The following MAP4K3 variants were observed in gnomAD, a reference collection of about 807,000 sequenced individuals.
The protein encoded by MAP4K3 is mitogen-activated protein kinase kinase kinase kinase 3, also known as MAPK/ERK kinase kinase kinase 3.
MAP4K3 carries 94 observed loss-of-function variants against 143.5 expected under a neutral mutation model. The observed-to-expected ratio is 0.65, with a 90% CI of 0.55 to 0.78. MAP4K3 has a LOEUF of 0.78. Ranked by LOEUF, MAP4K3 falls within the 30% of genes least tolerant of loss-of-function variation. The pLI is 0.00. For synonymous variants in MAP4K3, 416 were observed against 347.2 expected (o/e 1.20, Z -2.20); for missense variants, 1,077 against 1,068.1 (o/e 1.01, Z -0.12).
At chr2:39,323,037 C>A (rs962904466) in intron 12 of MAP4K3, among the ~76,000 whole-genome samples, 1 of 152,082 alleles carries the variant, frequency 6.6e-6, no homozygotes, top group Non-Finnish European at 1.5e-5. Context: ...TAGATACATT[C>A]GTATTTTGAG....
At chr2:39,340,503 A>G (rs1003666501) in intron 4 of MAP4K3, among the ~76,000 whole-genome samples, 9 of 152,230 alleles carry the variant, frequency 5.9e-5, no homozygotes, top group African/African-American at 2.2e-4. Flanking sequence ...GTATTGACGA[A>G]TTCATATTAC....
Position 39,436,944 on chromosome 2 carries a change from T to A in MAP4K3, c.44A>T (p.Asp15Val), listed in dbSNP as rs1426730384. The change falls in exon 1 of 34, where the codon GAC becomes GTC. Residue 15 changes from aspartate (D) to valine (V), a missense_variant. Asp to Val is a radical substitution (Grantham distance 152). This residue lies in a region of MAP4K3 where 213 missense variants were observed against 266.8 expected (regional missense o/e 0.80). Coordinates refer to ENST00000263881, the MANE Select transcript of MAP4K3 (RefSeq NM_003618.4). Reference protein sequence around the residue: ...FDLSRRNPQEDFELIQRIGSG... With the variant: ...FDLSRRNPQEVFELIQRIGSG... ...GCCGATGCGCTGAATCAGCTCGAAG[T>A]CCTCCTGCGGGTTCCGGCGGGACAA... 6.2e-7 allele frequency: 1 copy of A among 1,612,598 alleles called. No individual in the cohort carries two copies. The highest frequency in any genetic ancestry group is 2.2e-5 in the East Asian group (1 of 44,734).
At chr2:39,262,840 C>G (rs1351194925) in intron 28 of MAP4K3, among the ~76,000 whole-genome samples, 1 of 152,068 alleles carries the variant, frequency 6.6e-6, no homozygotes, top group African/African-American at 2.4e-5. Context: ...TGCGGTGGCT[C>G]AAACCTGTAA....
At chr2:39,396,996 T>C (rs1666826902) in intron 1 of MAP4K3, among the ~76,000 whole-genome samples, 1 of 152,206 alleles carries the variant, frequency 6.6e-6, no homozygotes, top group African/African-American at 2.4e-5. Context: ...AGCTAAGTTG[T>C]AACACATACC....
At chr2:39,256,027 A>G (rs1426744047) in intron 31 of MAP4K3, among the ~76,000 whole-genome samples, 1 of 152,220 alleles carries the variant, frequency 6.6e-6, no homozygotes, top group African/African-American at 2.4e-5. Flanking sequence ...AGGTTCCTAG[A>G]TAATGATCTT....
At chr2:39,365,917 G>T (rs1011872939) in intron 2 of MAP4K3, among the ~76,000 whole-genome samples, 1 of 152,172 alleles carries the variant, frequency 6.6e-6, no homozygotes, top group African/African-American at 2.4e-5. Flanking sequence ...ACATGTAAAA[G>T]TGTTTTAAAG....
intron 1 of MAP4K3, among the ~76,000 whole-genome samples, chr2:39,396,885 T>C (rs1432466744): frequency 6.6e-6 from 1 of 152,214 alleles, no homozygotes; most frequent in Non-Finnish European, 1.5e-5. Context: ...ATTCTTACTA[T>C]CTAAGGTAAA....
intron 24 of MAP4K3, among the ~76,000 whole-genome samples, chr2:39,275,903 C>T (rs1258047433): frequency 2.0e-5 from 3 of 152,084 alleles, no homozygotes; most frequent in African/African-American, 7.2e-5. Context: ...GATGGAGTCT[C>T]ACTCCGTTGC....
chr2:39,351,703 C>G (rs1197955733), intron 3 of MAP4K3, among the ~76,000 whole-genome samples: 1 of 152,208 alleles, frequency 6.6e-6, no homozygotes, highest in Non-Finnish European at 1.5e-5. Flanking sequence ...GAGTCTCGCT[C>G]TGTCACTCAG....
intron 1 of MAP4K3, among the ~76,000 whole-genome samples, chr2:39,406,692 C>A (rs1233581886): frequency 6.6e-6 from 1 of 152,048 alleles, no homozygotes; most frequent in Non-Finnish European, 1.5e-5. Flanking sequence ...TGACAGATTT[C>A]ATTAACACCA....
chr2:39,299,896 G>C (rs1682439239), intron 15 of MAP4K3, 95 bp from the exon 16 acceptor site: 3 of 452,168 alleles, frequency 6.6e-6, no homozygotes, highest in South Asian at 8.8e-5. Context: ...TAAAAGATAA[G>C]TCCCAGACCC....
intron 13 of MAP4K3, among the ~76,000 whole-genome samples, chr2:39,313,043 G>T (rs556318437): frequency 6.6e-6 from 1 of 152,096 alleles, no homozygotes; most frequent in African/African-American, 2.4e-5. Context: ...TCCAGAAAGG[G>T]AGCAAAGTCC....
At chr2:39,366,767 T>C (rs1444585923) in intron 2 of MAP4K3, among the ~76,000 whole-genome samples, 1 of 152,226 alleles carries the variant, frequency 6.6e-6, no homozygotes, top group Non-Finnish European at 1.5e-5. Flanking sequence ...GGAAATACTC[T>C]GAAACACTAT....
chr2:39,271,630 T>C (rs897108661), intron 26 of MAP4K3, among the ~76,000 whole-genome samples: 1 of 152,228 alleles, frequency 6.6e-6, no homozygotes, highest in East Asian at 1.9e-4. Context: ...CTTGCCTTGT[T>C]AGCCAGGCTG....
intron 24 of MAP4K3, among the ~76,000 whole-genome samples, chr2:39,273,559 C>A (rs919676170): frequency 1.3e-5 from 2 of 152,126 alleles, no homozygotes; most frequent in African/African-American, 4.8e-5. Flanking sequence ...TGAAACACAT[C>A]AAGGCCTCTA....
At chr2:39,389,412 G>A (rs1468425216) in intron 1 of MAP4K3, among the ~76,000 whole-genome samples, 2 of 151,902 alleles carry the variant, frequency 1.3e-5, no homozygotes, top group Admixed American at 1.3e-4. Context: ...TTCCAGAATG[G>A]GTAAAAGACA....
At chr2:39,414,127 A>G (rs918195519) in intron 1 of MAP4K3, among the ~76,000 whole-genome samples, 3 of 152,174 alleles carry the variant, frequency 2.0e-5, no homozygotes, top group African/African-American at 2.4e-5. Context: ...AATAAGCAAC[A>G]TGTTCCTAAT....
In MAP4K3 at chr2:39,288,385, T is replaced by A; in HGVS notation, c.1315-105A>T. On this transcript the variant is annotated intron_variant, in intron 19 of 33. Coordinates refer to ENST00000263881, the MANE Select transcript of MAP4K3 (RefSeq NM_003618.4). ...CTTTCAAATTATTTCTACTATACATTAGAGGTTTACCAGATGAGTTTAAAG... is the reference window on the plus strand; with the variant it reads ...CTTTCAAATTATTTCTACTATACATAAGAGGTTTACCAGATGAGTTTAAAG... The A allele has an allele frequency of 8.2e-6, 8 of 972,670 alleles. No homozygotes were observed. In the South Asian group the frequency reaches 1.3e-4, roughly 16 times the overall value. The allele number at this position is 972,670 out of a possible 1,614,324, so 60.3% of individuals were successfully genotyped here. A position where few individuals can be genotyped will look rare whatever the true frequency, so the allele number is the denominator to read the frequency against.
intron 16 of MAP4K3, among the ~76,000 whole-genome samples, chr2:39,295,920 T>C (rs771385387): frequency 2.0e-5 from 3 of 152,112 alleles, no homozygotes; most frequent in Non-Finnish European, 4.4e-5. Flanking sequence ...AGTCTCACTA[T>C]ATTGCCCAGG....
Sources: gnomAD v4.1 joint callset for allele counts (sites outside exome capture counted in the v4.1 genomes callset) on GRCh38, gnomAD v4.1.1 for gene constraint, gnomAD v4.1.1 regional missense constraint, MANE v1.5 for transcripts, NCBI Gene and HGNC (gene_info 2026-07-23, HGNC 2026-07-21) for gene names.